SAXO1: variants seen among roughly 807,000 people sequenced by gnomAD.
SAXO1 encodes the protein 4930500O09Rik.
SAXO1 carries 21 observed loss-of-function variants against 17.5 expected under a neutral mutation model. That is an observed-to-expected ratio of 1.20 (90% CI 0.85 to 1.72). The LOEUF is 1.72. SAXO1 is among the 40% of genes most tolerant of loss of function. SAXO1 has a pLI of 0.00. For missense variants in SAXO1, 843 were observed against 596.0 expected (o/e 1.41, Z -4.32); for synonymous variants, 274 against 216.5 (o/e 1.27, Z -2.33).
chr9:19,008,024 G>C (rs1199281544), intron 1 of SAXO1, among the ~76,000 whole-genome samples: 1 of 150,480 alleles, frequency 6.6e-6, no homozygotes, highest in East Asian at 2.0e-4. Context: ...CTGGAGTACA[G>C]TGGCACCGTC....
intron 1 of SAXO1, chr9:19,027,071 C>A (rs1486537005): frequency 5.9e-6 from 5 of 854,238 alleles, no homozygotes; most frequent in Non-Finnish European, 1.0e-5. Flanking sequence ...TCAAAGAGAA[C>A]AGTGAGAAAA....
At chr9:18,947,699 G>C (rs543267670) in intron 2 of SAXO1, 10 of 152,114 alleles carry the variant, frequency 6.6e-5, no homozygotes, top group African/African-American at 2.2e-4. Flanking sequence ...ATTGATCTCA[G>C]GTCTATCTGA....
chr9:18,977,497 G>A (rs939602588), intron 1 of SAXO1, among the ~76,000 whole-genome samples: 23 of 152,224 alleles, frequency 1.5e-4, no homozygotes, highest in African/African-American at 4.3e-4. Context: ...AAGATCTTTC[G>A]TTCGGTGAGA....
At chr9:18,930,604 A>C (rs1830999551) in intron 3 of SAXO1, among the ~76,000 whole-genome samples, 1 of 151,910 alleles carries the variant, frequency 6.6e-6, no homozygotes, top group African/African-American at 2.4e-5. Context: ...GGTTCAAGCG[A>C]TTCTCCTGCC....
chr9:18,995,164 T>C (rs183992516), intron 1 of SAXO1, among the ~76,000 whole-genome samples: 3 of 152,244 alleles, frequency 2.0e-5, no homozygotes, highest in Admixed American at 1.3e-4. Context: ...AAAAATACCT[T>C]TGGGGATTTG....
intron 1 of SAXO1, among the ~76,000 whole-genome samples, chr9:18,973,093 A>G (rs780348185): frequency 2.6e-5 from 4 of 152,264 alleles, no homozygotes; most frequent in Non-Finnish European, 5.9e-5. Flanking sequence ...AAAATAGGCA[A>G]GAGAAATCAG....
chr9:18,980,706 T>C (rs1445731717), intron 1 of SAXO1, among the ~76,000 whole-genome samples: 1 of 146,882 alleles, frequency 6.8e-6, no homozygotes, highest in African/African-American at 2.5e-5. Flanking sequence ...AATTTTTAAA[T>C]CCTATATGTC....
chr9:19,036,017 ACAC>A (rs1483671455), upstream of SAXO1, among the ~76,000 whole-genome samples: 2 of 150,590 alleles, frequency 1.3e-5, no homozygotes, highest in Non-Finnish European at 3.0e-5. Context: ...AGAAAACCAA[ACAC>A]CACATGTTCT....
intron 1 of SAXO1, among the ~76,000 whole-genome samples, chr9:18,971,268 A>T (rs1191494000): frequency 6.6e-6 from 1 of 152,086 alleles, no homozygotes; most frequent in African/African-American, 2.4e-5. Flanking sequence ...TAAGCTGCCA[A>T]AACTGAATAT....
chr9:18,967,978 C>T (rs750601278), intron 1 of SAXO1, among the ~76,000 whole-genome samples: 9 of 152,200 alleles, frequency 5.9e-5, no homozygotes, highest in Non-Finnish European at 1.0e-4. Flanking sequence ...CAGTCCCTCA[C>T]AGCCTCCGAT....
At chr9:18,997,209 A>C (rs1431452188) in intron 1 of SAXO1, among the ~76,000 whole-genome samples, 1 of 152,224 alleles carries the variant, frequency 6.6e-6, no homozygotes, top group East Asian at 1.9e-4. Context: ...GCCATGAGTG[A>C]CTATACCTGG....
chr9:18,974,256 G>C (rs1833051893), intron 1 of SAXO1, among the ~76,000 whole-genome samples: 1 of 152,224 alleles, frequency 6.6e-6, no homozygotes, highest in Non-Finnish European at 1.5e-5. Flanking sequence ...AAGACCTCTG[G>C]AGTGTTGGAA....
At chr9:19,017,924 T>A (rs1202808945) in intron 1 of SAXO1, among the ~76,000 whole-genome samples, 1 of 152,038 alleles carries the variant, frequency 6.6e-6, no homozygotes, top group African/African-American at 2.4e-5. Context: ...TCCCAACAAT[T>A]TGGGAGGCCA....
In SAXO1 at chr9:18,984,942, T is replaced by C. The variant is rs9644853; in HGVS notation, c.39-34005A>G. Among the ~76,000 whole-genome samples, 290 of 152,276 alleles carry C rather than the reference T, an allele frequency of 1.9e-3. 7 individuals are homozygous for C. In the East Asian group the frequency reaches 0.049, roughly 26 times the overall value. On this transcript the variant is annotated intron_variant, in intron 1 of 3. Transcript: ENST00000380534. ...AGCTGTTGATTTAAAGTGATAGAGG[T>C]GCGACTCTTCCTTTCACATAAGCAC...
intron 1 of SAXO1, among the ~76,000 whole-genome samples, chr9:18,989,322 G>C (rs1833712154): frequency 1.3e-5 from 2 of 152,096 alleles, no homozygotes; most frequent in South Asian, 4.1e-4. Flanking sequence ...ATTCAATTAA[G>C]CTCAAACTGA....
chr9:18,980,827 A>T (rs971431826), intron 1 of SAXO1, among the ~76,000 whole-genome samples: 3 of 150,846 alleles, frequency 2.0e-5, no homozygotes, highest in Non-Finnish European at 4.4e-5. Flanking sequence ...GGGTATAAGG[A>T]AAATAAAAAC....
intron 1 of SAXO1, among the ~76,000 whole-genome samples, chr9:19,018,756 G>C (rs1835102031): frequency 6.6e-6 from 1 of 152,232 alleles, no homozygotes; most frequent in Admixed American, 6.5e-5. Flanking sequence ...AGGAGCAGTG[G>C]TTAGAGACAG....
chr9:18,944,888 G>A (rs894001109), intron 2 of SAXO1, among the ~76,000 whole-genome samples: 1 of 152,158 alleles, frequency 6.6e-6, no homozygotes, highest in African/African-American at 2.4e-5. Flanking sequence ...ATGCAAACTT[G>A]AAGATATATT....
At chr9:18,960,667 C>T (rs1475274016) in intron 1 of SAXO1, among the ~76,000 whole-genome samples, 7 of 152,080 alleles carry the variant, frequency 4.6e-5, no homozygotes, top group African/African-American at 1.7e-4. Flanking sequence ...CCTGTAGTCC[C>T]AGCTACTTGG....
Sources: allele counts gnomAD v4.1 joint callset (sites outside exome capture counted in the v4.1 genomes callset), GRCh38; gene constraint gnomAD v4.1.1; transcripts MANE v1.5; gene names NCBI Gene and HGNC (gene_info 2026-07-23, HGNC 2026-07-21).